Variants in DNAH3 observed in about 807,000 individuals in gnomAD.
DNAH3 encodes the protein axonemal beta dynein heavy chain 3.
A neutral mutation model predicts 432.5 loss-of-function variants in DNAH3; 332 were observed. The ratio of observed to expected loss-of-function variants is 0.77; its 90% CI spans 0.70 to 0.84. The LOEUF (loss-of-function observed/expected upper bound fraction) is 0.84. Ranked by LOEUF, DNAH3 falls within the 40% of genes least tolerant of loss-of-function variation. The probability of loss-of-function intolerance (pLI) is 0.00; values close to 1 mark genes in which losing one functional copy is unlikely to be tolerated. For synonymous variants in DNAH3, 1,956 were observed against 1,900.2 expected (o/e 1.03, Z -0.76); for missense variants, 4,861 against 5,114.0 (o/e 0.95, Z 1.51).
intron 38 of DNAH3, among the ~76,000 whole-genome samples, chr16:21,025,624 GATTT>G (rs1335508044): frequency 2.6e-5 from 4 of 151,390 alleles, no homozygotes; most frequent in Non-Finnish European, 2.9e-5. Flanking sequence ...GAGTTACTAA[GATTT>G]ATTTATATAG....
chr16:21,117,442 T>G (rs2092231353), intron 11 of DNAH3, 103 bp from the exon 12 acceptor site: 1 of 700,850 alleles, frequency 1.4e-6, no homozygotes, highest in Non-Finnish European at 2.5e-6. Context: ...GGCTGCCAGC[T>G]GCATTTTTAC....
At chr16:21,077,158 ATTTCT>A (rs902232412) in intron 20 of DNAH3, among the ~76,000 whole-genome samples, 4 of 143,000 alleles carry the variant, frequency 2.8e-5, no homozygotes, top group Non-Finnish European at 4.7e-5. Flanking sequence ...CCATATTCTG[ATTTCT>A]TTTATTTTTT....
intron 37 of DNAH3, among the ~76,000 whole-genome samples, 185 bp from the exon 38 acceptor site, chr16:21,027,312 A>G (rs764174221): frequency 6.6e-6 from 1 of 152,216 alleles, no homozygotes; most frequent in Non-Finnish European, 1.5e-5. Context: ...AAAATTTCCT[A>G]TCCTCTTGGG....
At chr16:21,027,303 A>C (rs1423417377) in intron 37 of DNAH3, among the ~76,000 whole-genome samples, 176 bp from the exon 38 acceptor site, 2 of 152,184 alleles carry the variant, frequency 1.3e-5, no homozygotes, top group African/African-American at 4.8e-5. Flanking sequence ...ATAAAACACA[A>C]AATTTCCTAT....
chr16:21,157,732 T>G (rs1236178687), intron 1 of DNAH3, among the ~76,000 whole-genome samples: 1 of 152,108 alleles, frequency 6.6e-6, no homozygotes, highest in Non-Finnish European at 1.5e-5. Flanking sequence ...GGCTGAGAAC[T>G]GTGCAACAGC....
intron 12 of DNAH3, among the ~76,000 whole-genome samples, chr16:21,116,222 T>C (rs2092195961): frequency 6.6e-6 from 1 of 152,110 alleles, no homozygotes; most frequent in African/African-American, 2.4e-5. Flanking sequence ...ATTTACAGGA[T>C]CACCCTAAAC....
At position 20,969,969 on chromosome 16, in the gene DNAH3, C is replaced by G. The variant is rs370489380; in HGVS notation, c.8281G>C (p.Ala2761Pro). The G allele has an allele frequency of 2.7e-5, 43 of 1,613,972 alleles. 1 individual carries two copies. In the Middle Eastern group the frequency reaches 4.9e-4, roughly 19 times the overall value. The change falls in exon 52 of 62, where the codon GCT (alanine) becomes CCT (proline). Residue 2761 changes from alanine to proline, a missense_variant. Physicochemically the swap from Ala to Pro is conservative, Grantham distance 27 (BLOSUM62 -1). Transcript: ENST00000261383. ...GCCTCGAGTGCAGGCATTGCCTCAG[C>G]TAGGTCCCCCTCACATTCGTTCTGT...
rs150141933 is a variant in DNAH3, at chr16:20,985,666, C to T, written c.7076G>A (p.Arg2359Gln). 217 of 1,613,994 alleles carry T rather than the reference C, an allele frequency of 1.3e-4. No individual in the cohort carries two copies. Among genetic ancestry groups the T allele is most frequent in the Non-Finnish European group, 1.7e-4 (205 of 1,180,014 alleles). ...GAAATAATCTCCAAAGAAGAGGCTT[C>T]GAATGTTATCATCGACTATCTTTCC... Residue 2359 changes from arginine (R) to glutamine (Q), a missense_variant, in exon 48 of 62, where the codon CGA becomes CAA. Arg to Gln is a conservative substitution (Grantham distance 43). Coordinates refer to ENST00000261383, the Ensembl canonical transcript of DNAH3.
intron 51 of DNAH3, among the ~76,000 whole-genome samples, chr16:20,970,502 C>T (rs540229538): frequency 2.8e-4 from 42 of 152,068 alleles, no homozygotes; most frequent in African/African-American, 9.2e-4. Context: ...CCAGCCTGGC[C>T]GACAAGAGTG....
At chr16:21,050,897 A>G (rs1328559719) in intron 29 of DNAH3, among the ~76,000 whole-genome samples, 6 of 152,176 alleles carry the variant, frequency 3.9e-5, no homozygotes, top group Non-Finnish European at 8.8e-5. Context: ...ATGAGTTTCT[A>G]TGTTTTCATT....
At chr16:20,979,366 C>A (rs762929736) in exon 50 of DNAH3, 1 of 1,614,128 alleles carries the variant, frequency 6.2e-7, no homozygotes, top group Non-Finnish European at 8.5e-7. Context: ...GCAAGCCTGT[C>A]AGGTAGCGGT....
At chr16:21,150,342 A>C in intron 1 of DNAH3, 1 of 453,564 alleles carries the variant, frequency 2.2e-6, no homozygotes, top group South Asian at 1.6e-5. Context: ...AATTGTAGCT[A>C]TTTTTTTAAA....
intron 24 of DNAH3, chr16:21,062,904 A>G (rs1674727531): frequency 1.9e-6 from 1 of 522,394 alleles, no homozygotes; most frequent in Admixed American, 3.5e-5. Flanking sequence ...CCCAGGCTAG[A>G]CTTGAACTCC....
intron 48 of DNAH3, 84 bp downstream of exon 48, chr16:20,984,965 G>GT: frequency 8.4e-7 from 1 of 1,184,320 alleles, no homozygotes. Flanking sequence ...TGGGACCATT[G>GT]TAAGGGATTG....
At position 21,086,623 on chromosome 16, in the gene DNAH3, C is replaced by T. The variant is rs536966837; in HGVS notation, c.2877+226G>A. Among the ~76,000 whole-genome samples, 110 of 152,294 alleles carry T rather than the reference C, an allele frequency of 7.2e-4. 1 individual carries two copies. The highest frequency in any genetic ancestry group is 7.1e-3 in the Admixed American group (108 of 15,302). On this transcript the variant is annotated intron_variant, in intron 19 of 61. Coordinates refer to ENST00000261383, the Ensembl canonical transcript of DNAH3. ...GGCTCGAACAACACTCAACGAACCA[C>T]GACCAATGGGGGTTCCAAGGAAAGG...
chr16:21,025,580 T>C (rs2088507577), intron 38 of DNAH3, among the ~76,000 whole-genome samples: 1 of 150,570 alleles, frequency 6.6e-6, no homozygotes, highest in Admixed American at 6.6e-5. Context: ...TTATCTGTGT[T>C]CTATATAATA....
At position 20,965,302 on chromosome 16, in the gene DNAH3, T is replaced by C. The variant is rs765072930; in HGVS notation, c.8582A>G (p.Glu2861Gly). 6.2e-7 allele frequency: 1 copy of C among 1,613,180 alleles called. No individual in the cohort carries two copies. The highest frequency in any genetic ancestry group is 1.7e-5 in the Admixed American group (1 of 59,956). ...GAATTCCGGGTGATTGATAAACCTT[T>C]CCCGGATCCGCTTCATGGTCAGTGG... Residue 2861 changes from glutamate (E) to glycine (G), a missense_variant, in exon 53 of 62, where the codon GAA becomes GGA. Transcript: ENST00000261383.
At chr16:21,047,942 G>A (rs1339778592) in intron 31 of DNAH3, among the ~76,000 whole-genome samples, 1 of 151,980 alleles carries the variant, frequency 6.6e-6, no homozygotes, top group African/African-American at 2.4e-5. Flanking sequence ...GCCGTGTGAG[G>A]TGTCAGTGTG....
intron 27 of DNAH3, among the ~76,000 whole-genome samples, chr16:21,055,631 AAAGT>A (rs2090106029): frequency 6.6e-6 from 1 of 152,194 alleles, no homozygotes; most frequent in African/African-American, 2.4e-5. Context: ...AAAAGGAAAA[AAAGT>A]AAGACCACCC....
Sources: allele counts gnomAD v4.1 joint callset (sites outside exome capture counted in the v4.1 genomes callset), GRCh38; gene constraint gnomAD v4.1.1; transcripts MANE v1.5; gene names NCBI Gene and HGNC (gene_info 2026-07-23, HGNC 2026-07-21).